The following UBR3 variants were observed in gnomAD, a reference collection of about 807,000 sequenced individuals.
UBR3 encodes the protein E3 ubiquitin-protein ligase UBR3.
A neutral mutation model predicts 243.2 loss-of-function variants in UBR3; 85 were observed. The ratio of observed to expected loss-of-function variants is 0.35; its 90% CI spans 0.29 to 0.42. UBR3 has a LOEUF of 0.42. UBR3 is among the 10% of genes least tolerant of loss of function. The probability of loss-of-function intolerance (pLI) is 1.00; values close to 1 mark genes in which losing one functional copy is unlikely to be tolerated. For synonymous variants in UBR3, 748 were observed against 799.8 expected (o/e 0.94, Z 1.09); for missense variants, 1,686 against 2,300.8 (o/e 0.73, Z 5.47).
At chr2:169,840,204 G>A (rs1470815986) in intron 1 of UBR3, among the ~76,000 whole-genome samples, 2 of 152,206 alleles carry the variant, frequency 1.3e-5, no homozygotes, top group East Asian at 3.9e-4. Context: ...GGGGCCCATT[G>A]TATGAGCCTG....
At chr2:170,027,893 A>T (rs987014936) in intron 30 of UBR3, among the ~76,000 whole-genome samples, 1 of 151,976 alleles carries the variant, frequency 6.6e-6, no homozygotes, top group African/African-American at 2.4e-5. Context: ...GCTACCATAA[A>T]AACTGGAAAT....
In UBR3 at chr2:169,954,853, G is replaced by T. The variant is rs185834258; in HGVS notation, c.3546-3585G>T. On this transcript the variant is annotated intron_variant, in intron 23 of 38. Transcript: ENST00000272793. ...ATCCCAAAGTGCTGGGATTACAGGC[G>T]TGAGGCACTGTGCCCAGCCAGTAAT... Among the ~76,000 whole-genome samples, 3 of 152,256 alleles carry T rather than the reference G, an allele frequency of 2.0e-5. No individual in the cohort carries two copies. The East Asian group carries it at 5.8e-4, about 29-fold the overall frequency.
intron 31 of UBR3, among the ~76,000 whole-genome samples, chr2:170,037,704 T>C (rs534081856): frequency 5.9e-5 from 9 of 152,154 alleles, no homozygotes; most frequent in Non-Finnish European, 1.0e-4. Flanking sequence ...GTAATTTTGA[T>C]TATAATTATT....
At chr2:169,967,230 GC>G (rs371643711) in intron 24 of UBR3, among the ~76,000 whole-genome samples, 29 of 131,886 alleles carry the variant, frequency 2.2e-4, no homozygotes, top group East Asian at 4.3e-4. Context: ...AGGAGAGTAT[GC>G]CCCCCCCACC....
At chr2:169,863,390 A>T (rs2083153451) in intron 1 of UBR3, among the ~76,000 whole-genome samples, 1 of 152,228 alleles carries the variant, frequency 6.6e-6, no homozygotes, top group African/African-American at 2.4e-5. Context: ...GAAAAATTTT[A>T]AAATGATGAT....
intron 1 of UBR3, among the ~76,000 whole-genome samples, chr2:169,865,298 T>G (rs1243938116): frequency 2.6e-5 from 4 of 152,194 alleles, no homozygotes; most frequent in Admixed American, 1.3e-4. Context: ...ATTGAGCATC[T>G]GCTATGTTAA....
At position 169,965,291 on chromosome 2, in the gene UBR3, G is replaced by C. The variant is rs115552255; in HGVS notation, c.3634+6765G>C. Among the ~76,000 whole-genome samples the C allele has an allele frequency of 7.8e-3, 1,189 of 152,246 alleles. 13 individuals carry two copies. The highest frequency in any genetic ancestry group is 0.026 in the African/African-American group (1,076 of 41,542). The stretch of plus-strand genomic sequence containing the variant: ...TACTGATACAATTTAACCTTAGCCA[G>C]ATCCTCTCCCTCATTTGTCAAATTC... On this transcript the variant is annotated intron_variant, in intron 24 of 38. Transcript: ENST00000272793.
In UBR3 at chr2:170,047,181, C is replaced by T. The variant is rs967910488; in HGVS notation, c.4660+6196C>T. ...TGGCTAATTTTATTTTTTGTAGAGACGGTGGCGGTGTCGGGGGGGGGGTCT... is the reference window on the plus strand; with the variant it reads ...TGGCTAATTTTATTTTTTGTAGAGATGGTGGCGGTGTCGGGGGGGGGGTCT... On this transcript the variant is annotated intron_variant, in intron 32 of 38. Coordinates refer to ENST00000272793, the MANE Select transcript of UBR3 (RefSeq NM_172070.4). Among the ~76,000 whole-genome samples the T allele has an allele frequency of 6.1e-4, 16 of 26,146 alleles. No individual in the cohort carries two copies. The South Asian group carries it at 0.011, about 18-fold the overall frequency. 17.2% of individuals were successfully genotyped at this position (26,146 alleles called of 152,430 possible). A position where few individuals can be genotyped will look rare whatever the true frequency, so the allele number is the denominator to read the frequency against.
At chr2:169,951,512 A>G (rs1469490500) in intron 23 of UBR3, among the ~76,000 whole-genome samples, 2 of 152,168 alleles carry the variant, frequency 1.3e-5, no homozygotes, top group Non-Finnish European at 2.9e-5. Context: ...GTTTGTTAGT[A>G]GTGTTAACAT....
intron 26 of UBR3, among the ~76,000 whole-genome samples, chr2:169,999,013 A>G (rs939816296): frequency 2.6e-5 from 4 of 152,232 alleles, no homozygotes; most frequent in Non-Finnish European, 5.9e-5. Flanking sequence ...AGGTCTCCCT[A>G]AAATACTAGT....
chr2:169,894,054 T>A (rs2084479384), intron 6 of UBR3, among the ~76,000 whole-genome samples: 1 of 152,074 alleles, frequency 6.6e-6, no homozygotes, highest in South Asian at 2.1e-4. Context: ...GAAGAATAGA[T>A]TTCTGTTTTA....
intron 24 of UBR3, among the ~76,000 whole-genome samples, chr2:169,967,273 C>CCA (rs1491294930): frequency 4.1e-5 from 6 of 146,132 alleles, no homozygotes; most frequent in Admixed American, 2.7e-4. Flanking sequence ...CCGCCCCCCC[C>CCA]CACACACAGT....
At chr2:170,080,856 G>GAA (rs1284674750) in intron 38 of UBR3, among the ~76,000 whole-genome samples, 172 bp downstream of exon 38, 1 of 152,038 alleles carries the variant, frequency 6.6e-6, no homozygotes, top group Admixed American at 6.6e-5. Context: ...ATACGTTGAG[G>GAA]AAACATGAAA....
chr2:170,046,830 C>T (rs1363591274), intron 32 of UBR3, among the ~76,000 whole-genome samples: 1 of 151,704 alleles, frequency 6.6e-6, no homozygotes, highest in Non-Finnish European at 1.5e-5. Context: ...TAGCATTCTC[C>T]AAAGATGATT....
chr2:169,873,890 G>T (rs2083510942), intron 2 of UBR3, among the ~76,000 whole-genome samples: 1 of 152,082 alleles, frequency 6.6e-6, no homozygotes. Context: ...TTTAGAAATA[G>T]AAATTATTTA....
chr2:169,838,384 CATTTGTGTGTGTGTGTGTGT>C (rs1188297987), intron 1 of UBR3, among the ~76,000 whole-genome samples: 15 of 133,632 alleles, frequency 1.1e-4, no homozygotes, highest in African/African-American at 2.0e-4. Flanking sequence ...AAGATTAAGG[CATTTGTGTGTGTGTGTGTGT>C]GTGTGTGTGT....
In UBR3 at chr2:169,927,360, C is replaced by T. The variant is rs1487914132; in HGVS notation, c.2379C>T (p.Ala793=). 2.6e-6 allele frequency: 4 copies of T among 1,550,794 alleles called. No individual in the cohort carries two copies. The highest frequency in any genetic ancestry group is 3.5e-6 in the Non-Finnish European group (4 of 1,146,642). ...AGATTCTCAGGGCCGAGATGGTAGCCCAGCTGTGTATGAATGACAGGACAC... is the reference window on the plus strand; with the variant it reads ...AGATTCTCAGGGCCGAGATGGTAGCTCAGCTGTGTATGAATGACAGGACAC... ...DDEILRAEMV[A]QLCMNDRTHS... is the part of the protein sequence containing the mutation. Residue 793 remains alanine (A), a synonymous_variant, in exon 17 of 39, where the codon GCC becomes GCT. Coordinates refer to ENST00000272793, the MANE Select transcript of UBR3 (RefSeq NM_172070.4).
At chr2:170,030,569 G>A (rs1333205154) in intron 31 of UBR3, among the ~76,000 whole-genome samples, 1 of 151,766 alleles carries the variant, frequency 6.6e-6, no homozygotes, top group Non-Finnish European at 1.5e-5. Context: ...ATAATTATTT[G>A]TATAACTAAA....
At chr2:169,877,689 A>G (rs771954059) in intron 4 of UBR3, 52 bp downstream of exon 4, 20 of 1,469,920 alleles carry the variant, frequency 1.4e-5, no homozygotes, top group Non-Finnish European at 1.6e-5. Flanking sequence ...TATTAAAACC[A>G]AAAAAACCTC....
Sources: allele counts gnomAD v4.1 joint callset (sites outside exome capture counted in the v4.1 genomes callset), GRCh38; gene constraint gnomAD v4.1.1; transcripts MANE v1.5; gene names NCBI Gene and HGNC (gene_info 2026-07-23, HGNC 2026-07-21).